NRG3: variants seen among roughly 807,000 people sequenced by gnomAD.
NRG3 encodes the protein pro-neuregulin-3, membrane-bound isoform.
A neutral mutation model predicts 66.9 loss-of-function variants in NRG3; 31 were observed. The ratio of observed to expected loss-of-function variants is 0.46; its 90% CI spans 0.35 to 0.63. The LOEUF is 0.63. Among genes scored for constraint, NRG3 ranks in the 20% least tolerant of loss-of-function variants. The pLI is 0.00. For synonymous variants in NRG3, 393 were observed against 359.4 expected (o/e 1.09, Z -1.06); for missense variants, 910 against 878.9 (o/e 1.04, Z -0.45).
chr10:82,160,553 TAGAGTGCAGTGGTG>T (rs1416887007), intron 1 of NRG3, among the ~76,000 whole-genome samples: 1 of 151,944 alleles, frequency 6.6e-6, no homozygotes, highest in African/African-American at 2.4e-5. Context: ...TTGCCCAGGC[TAGAGTGCAGTGGTG>T]CAATGGAATT....
intron 1 of NRG3, among the ~76,000 whole-genome samples, chr10:82,049,644 A>C (rs1322029748): frequency 6.6e-6 from 1 of 152,158 alleles, no homozygotes; most frequent in East Asian, 1.9e-4. Flanking sequence ...TTTAGATTGC[A>C]GTGAGAAAAG....
chr10:81,987,603 A>G (rs1318807195), intron 1 of NRG3, among the ~76,000 whole-genome samples: 1 of 152,208 alleles, frequency 6.6e-6, no homozygotes, highest in Non-Finnish European at 1.5e-5. Flanking sequence ...TGTAGTTAAA[A>G]TTTGATTAAA....
chr10:82,616,249 G>A (rs1397356518), intron 2 of NRG3, among the ~76,000 whole-genome samples: 4 of 152,134 alleles, frequency 2.6e-5, no homozygotes, highest in Non-Finnish European at 2.9e-5. Flanking sequence ...TTAATTAGAT[G>A]TATTTTTTTT....
intron 1 of NRG3, among the ~76,000 whole-genome samples, chr10:82,215,448 CTATT>C (rs1444034007): frequency 6.6e-6 from 1 of 152,130 alleles, no homozygotes; most frequent in Admixed American, 6.6e-5. Flanking sequence ...AATTAGAAAT[CTATT>C]TATTTTTCAT....
intron 4 of NRG3, among the ~76,000 whole-genome samples, chr10:82,884,211 C>T (rs139469289): frequency 2.0e-5 from 3 of 151,924 alleles, no homozygotes; most frequent in African/African-American, 7.2e-5. Context: ...TTTTATATAG[C>T]CTTTAGTCAA....
At chr10:82,705,757 CA>C (rs35936841) in intron 2 of NRG3, among the ~76,000 whole-genome samples, 79,106 of 151,968 alleles carry the variant, frequency 0.52, 22,899 homozygotes, top group East Asian at 0.64. Context: ...AAAATCTATC[CA>C]AGTGATCCAC....
chr10:82,810,089 G>A (rs1018193271), intron 3 of NRG3, among the ~76,000 whole-genome samples: 1 of 152,016 alleles, frequency 6.6e-6, no homozygotes, highest in Non-Finnish European at 1.5e-5. Flanking sequence ...GCAATTATGT[G>A]TCTTGTAAAT....
At chr10:82,248,452 G>A (rs893238160) in intron 1 of NRG3, among the ~76,000 whole-genome samples, 2 of 152,134 alleles carry the variant, frequency 1.3e-5, no homozygotes, top group African/African-American at 4.8e-5. Context: ...GAGTGGAGAG[G>A]TGAAGCAAGT....
At chr10:81,897,533 G>T (rs577884507) in intron 1 of NRG3, among the ~76,000 whole-genome samples, 1 of 151,272 alleles carries the variant, frequency 6.6e-6, no homozygotes, top group South Asian at 2.1e-4. Flanking sequence ...CTAGGTTCCC[G>T]TCCTCAATAA....
intron 1 of NRG3, among the ~76,000 whole-genome samples, chr10:82,033,172 A>G (rs977732029): frequency 2.6e-5 from 4 of 152,150 alleles, no homozygotes; most frequent in Non-Finnish European, 5.9e-5. Flanking sequence ...GTCAGACAGA[A>G]TGTTGCATTT....
chr10:82,365,471 G>A (rs936069791), intron 2 of NRG3, among the ~76,000 whole-genome samples: 34 of 152,128 alleles, frequency 2.2e-4, no homozygotes, highest in African/African-American at 7.7e-4. Flanking sequence ...GTGGTCTACC[G>A]ATTGCTTTTG....
intron 1 of NRG3, among the ~76,000 whole-genome samples, chr10:82,330,949 T>G (rs180998984): frequency 1.0e-3 from 157 of 152,342 alleles, no homozygotes; most frequent in Middle Eastern, 3.4e-3. Context: ...CATATTGAGC[T>G]TTTCTCTGCT....
At chr10:82,397,191 C>G (rs2086769821) in intron 2 of NRG3, among the ~76,000 whole-genome samples, 1 of 152,146 alleles carries the variant, frequency 6.6e-6, no homozygotes, top group Non-Finnish European at 1.5e-5. Flanking sequence ...GGTGTCTGTT[C>G]TCTTCTTGCA....
At chr10:82,097,700 C>T (rs1040193684) in intron 1 of NRG3, among the ~76,000 whole-genome samples, 6 of 151,906 alleles carry the variant, frequency 3.9e-5, no homozygotes, top group African/African-American at 1.4e-4. Flanking sequence ...TACTATTTTG[C>T]ATTATCACCA....
intron 4 of NRG3, among the ~76,000 whole-genome samples, chr10:82,937,171 G>GT (rs1325684078): frequency 1.3e-5 from 2 of 152,126 alleles, no homozygotes; most frequent in African/African-American, 4.8e-5. Context: ...CTCAAATTCA[G>GT]TTTTTACAAT....
intron 4 of NRG3, among the ~76,000 whole-genome samples, chr10:82,946,240 C>T (rs1849007754): frequency 6.7e-6 from 1 of 150,318 alleles, no homozygotes; most frequent in African/African-American, 2.4e-5. Flanking sequence ...TGGAGTGGTC[C>T]TTTAAAAGAC....
intron 1 of NRG3, among the ~76,000 whole-genome samples, chr10:82,109,752 A>G (rs1021018586): frequency 6.6e-6 from 1 of 152,132 alleles, no homozygotes; most frequent in African/African-American, 2.4e-5. Context: ...GTAACATGTA[A>G]TTTCCTGAAT....
chr10:82,456,693 CA>C (rs1470496128), intron 2 of NRG3, among the ~76,000 whole-genome samples: 1 of 151,640 alleles, frequency 6.6e-6, no homozygotes, highest in African/African-American at 2.4e-5. Context: ...AAAGAAAGTT[CA>C]ATATTTAATA....
intron 1 of NRG3, among the ~76,000 whole-genome samples, chr10:82,290,526 G>T (rs1186394120): frequency 6.6e-6 from 1 of 152,012 alleles, no homozygotes; most frequent in Non-Finnish European, 1.5e-5. Flanking sequence ...GCTGAAAAGT[G>T]TATTAATTTT....
Sources: gnomAD v4.1 joint callset for allele counts (sites outside exome capture counted in the v4.1 genomes callset) on GRCh38, gnomAD v4.1.1 for gene constraint, MANE v1.5 for transcripts, NCBI Gene and HGNC (gene_info 2026-07-23, HGNC 2026-07-21) for gene names.